ALDH8A1: variants seen among roughly 807,000 people sequenced by gnomAD.
ALDH8A1 encodes aldehyde dehydrogenase 8 family member A1.
A neutral mutation model predicts 43.3 loss-of-function variants in ALDH8A1; 39 were observed. The ratio of observed to expected loss-of-function variants is 0.90; its 90% CI spans 0.70 to 1.18. ALDH8A1 has a LOEUF of 1.18. ALDH8A1 is among the 50% of genes most tolerant of loss of function. The probability of loss-of-function intolerance (pLI) is 0.00; values close to 1 mark genes in which losing one functional copy is unlikely to be tolerated. For missense variants in ALDH8A1, 605 were observed against 622.6 expected, an observed-to-expected ratio of 0.97 and a Z score of 0.30; for synonymous variants, 233 against 243.5, an observed-to-expected ratio of 0.96 and a Z score of 0.40.
intron 3 of ALDH8A1, among the ~76,000 whole-genome samples, chr6:134,939,904 G>A (rs553234411): frequency 3.9e-4 from 59 of 152,202 alleles, no homozygotes; most frequent in Non-Finnish European, 6.5e-4. Flanking sequence ...AAAAAGGAAC[G>A]AGATCATGTC....
At chr6:134,923,845 A>T (rs774691998) in intron 6 of ALDH8A1, among the ~76,000 whole-genome samples, 3 of 152,204 alleles carry the variant, frequency 2.0e-5, no homozygotes, top group South Asian at 2.1e-4. Context: ...AACATGGTGT[A>T]TGAGATGGGG....
At chr6:134,949,661 G>A (rs1363232290) in intron 1 of ALDH8A1, among the ~76,000 whole-genome samples, 2 of 151,228 alleles carry the variant, frequency 1.3e-5, no homozygotes, top group Non-Finnish European at 2.9e-5. Flanking sequence ...TTTGAGAATT[G>A]CAAAAAAAAA....
At chr6:134,942,836 C>T (rs1773882088) in intron 2 of ALDH8A1, among the ~76,000 whole-genome samples, 1 of 152,166 alleles carries the variant, frequency 6.6e-6, no homozygotes, top group Non-Finnish European at 1.5e-5. Flanking sequence ...ACCAGTTTGC[C>T]AGATGCTACC....
At chr6:134,925,099 T>C (rs1776862261) in intron 6 of ALDH8A1, among the ~76,000 whole-genome samples, 1 of 152,226 alleles carries the variant, frequency 6.6e-6, no homozygotes, top group Non-Finnish European at 1.5e-5. Context: ...GATGTAATTT[T>C]TTAGATTCCT....
chr6:134,920,119 C>T (rs1340382159), intron 6 of ALDH8A1, among the ~76,000 whole-genome samples: 2 of 152,132 alleles, frequency 1.3e-5, no homozygotes, highest in Admixed American at 1.3e-4. Flanking sequence ...TGCTATGTTG[C>T]CCAGGCTGGT....
chr6:134,930,308 C>T (rs1377171617), intron 5 of ALDH8A1, among the ~76,000 whole-genome samples: 4 of 152,080 alleles, frequency 2.6e-5, no homozygotes, highest in African/African-American at 4.8e-5. Context: ...TTTCAGATGC[C>T]TCACAGACAT....
At chr6:134,942,248 G>T (rs762243656) in intron 3 of ALDH8A1, 161 bp downstream of exon 3, 5 of 952,002 alleles carry the variant, frequency 5.3e-6, no homozygotes, top group Non-Finnish European at 7.3e-6. Context: ...TTGACACAAA[G>T]AAAATAAACT....
At chr6:134,935,535 T>C (rs921115517) in intron 4 of ALDH8A1, among the ~76,000 whole-genome samples, 4 of 152,202 alleles carry the variant, frequency 2.6e-5, no homozygotes, top group Non-Finnish European at 5.9e-5. Flanking sequence ...GTCATCTGTA[T>C]AATCACGCTG....
At chr6:134,933,509 G>A (rs763758413) in intron 4 of ALDH8A1, among the ~76,000 whole-genome samples, 6 of 152,072 alleles carry the variant, frequency 3.9e-5, no homozygotes, top group African/African-American at 1.4e-4. Context: ...CAGGGAAGCA[G>A]GGCAAGACTC....
At chr6:134,920,350 T>A (rs980177260) in intron 6 of ALDH8A1, among the ~76,000 whole-genome samples, 1 of 152,224 alleles carries the variant, frequency 6.6e-6, no homozygotes, top group African/African-American at 2.4e-5. Flanking sequence ...TTTGTACCTC[T>A]CTTGATCCGT....
chr6:134,944,168 A>G (rs568915516), intron 1 of ALDH8A1: 3 of 569,216 alleles, frequency 5.3e-6, no homozygotes, highest in Non-Finnish European at 8.8e-6. Flanking sequence ...CCGGGGTTCA[A>G]GTGATTCTCC....
Position 134,925,092 on chromosome 6 carries a change from G to T in ALDH8A1, c.1011+3962C>A, listed in dbSNP as rs181195071. Among the ~76,000 whole-genome samples the T allele has an allele frequency of 2.0e-3, 299 of 152,290 alleles. 1 individual carries two copies. Among genetic ancestry groups the T allele is most frequent in the African/African-American group, 7.1e-3 (294 of 41,568 alleles). On this transcript the variant is annotated intron_variant, in intron 6 of 6. Coordinates refer to ENST00000265605, the MANE Select transcript of ALDH8A1 (RefSeq NM_022568.4). ...AATTATTTTTGATAATAATCTAGAT[G>T]TAATTTTTTAGATTCCTAAATTGGC...
Position 134,932,385 on chromosome 6 carries a change from G to A in ALDH8A1, c.849+391C>T, listed in dbSNP as rs77738787. Among the ~76,000 whole-genome samples the A allele has an allele frequency of 9.8e-3, 1,496 of 152,248 alleles. 15 individuals are homozygous for A. Among genetic ancestry groups the A allele is most frequent in the Non-Finnish European group, 0.012 (829 of 68,024 alleles). On this transcript the variant is annotated intron_variant, in intron 5 of 6. Coordinates refer to ENST00000265605, the MANE Select transcript of ALDH8A1 (RefSeq NM_022568.4). Reference sequence around the variant, plus strand: ...AACGCATTTTGAATACTTTTGAAATGAGAGTAAGGTTTACTGGGAATAGGA... The same window carrying A: ...AACGCATTTTGAATACTTTTGAAATAAGAGTAAGGTTTACTGGGAATAGGA...
intron 2 of ALDH8A1, 90 bp from the exon 3 acceptor site, chr6:134,942,654 G>T: frequency 5.3e-6 from 7 of 1,330,536 alleles, no homozygotes; most frequent in Non-Finnish European, 7.2e-6. Context: ...AACTCACACT[G>T]AAACAGCCTG....
At chr6:134,931,493 T>G (rs1776985495) in intron 5 of ALDH8A1, among the ~76,000 whole-genome samples, 1 of 152,048 alleles carries the variant, frequency 6.6e-6, no homozygotes, top group African/African-American at 2.4e-5. Flanking sequence ...CGAGCGCTCC[T>G]AACCTCAGGT....
intron 5 of ALDH8A1, among the ~76,000 whole-genome samples, chr6:134,931,734 A>G (rs1243269052): frequency 6.6e-6 from 1 of 152,264 alleles, no homozygotes; most frequent in Non-Finnish European, 1.5e-5. Context: ...TATATTGTCT[A>G]TTGATCCAGA....
intron 6 of ALDH8A1, among the ~76,000 whole-genome samples, chr6:134,923,457 T>C (rs1265323623): frequency 6.6e-6 from 1 of 152,182 alleles, no homozygotes; most frequent in African/African-American, 2.4e-5. Context: ...TATATTTTAA[T>C]GTGGTCAGAA....
In ALDH8A1 at chr6:134,918,182, G is replaced by A. The variant is rs932222666; in HGVS notation, c.*233C>T. The A allele has an allele frequency of 4.6e-5, 24 of 520,690 alleles. No individual in the cohort carries two copies. The highest frequency in any genetic ancestry group is 7.4e-5 in the Non-Finnish European group (22 of 296,312). The allele number at this position is 520,690 out of a possible 1,614,324, so 32.3% of individuals were successfully genotyped here. On this transcript the variant is annotated 3_prime_UTR_variant, in exon 7 of 7. Coordinates refer to ENST00000265605, the MANE Select transcript of ALDH8A1 (RefSeq NM_022568.4). The stretch of plus-strand genomic sequence containing the variant: ...TAACCTGGGAGGAGCCTGACAACTG[G>A]CATCATTGTTCTATCTTCCTACTTA...
intron 2 of ALDH8A1, 57 bp downstream of exon 2, chr6:134,943,762 A>T (rs1773901975): frequency 5.7e-6 from 9 of 1,590,976 alleles, no homozygotes; most frequent in Non-Finnish European, 7.7e-6. Context: ...AAGAGGGATA[A>T]CATGAATAAT....
Sources: gnomAD v4.1 joint callset for allele counts (sites outside exome capture counted in the v4.1 genomes callset) on GRCh38, gnomAD v4.1.1 for gene constraint, MANE v1.5 for transcripts, NCBI Gene and HGNC (gene_info 2026-07-23, HGNC 2026-07-21) for gene names.